Variants in NCOA7 observed in about 807,000 individuals in gnomAD.
The protein encoded by NCOA7 is nuclear receptor coactivator 7.
In NCOA7, 45 loss-of-function variants were observed where a neutral mutation model predicts 104.3. The ratio of observed to expected loss-of-function variants is 0.43; its 90% confidence interval spans 0.34 to 0.55. The LOEUF (loss-of-function observed/expected upper bound fraction) is 0.55, where lower values mean the gene tolerates loss of function less well. NCOA7 is among the 20% of genes least tolerant of loss of function. The pLI is 0.02. For synonymous variants in NCOA7, 398 were observed against 402.3 expected (o/e 0.99, Z 0.13); for missense variants, 1,041 against 1,119.7 (o/e 0.93, Z 1.00).
chr6:125,911,196 TG>T (rs989361418), intron 10 of NCOA7, among the ~76,000 whole-genome samples: 3 of 152,234 alleles, frequency 2.0e-5, no homozygotes, highest in Non-Finnish European at 2.9e-5. Context: ...ACAGCTGTGA[TG>T]TTTAGCATTT....
intron 2 of NCOA7, among the ~76,000 whole-genome samples, chr6:125,838,779 C>T (rs866390197): frequency 6.6e-6 from 1 of 152,118 alleles, no homozygotes; most frequent in Non-Finnish European, 1.5e-5. Context: ...TTCCCATGAC[C>T]GCCTCCTCAG....
chr6:125,896,711 G>T (rs1362713959), intron 10 of NCOA7, among the ~76,000 whole-genome samples: 1 of 152,202 alleles, frequency 6.6e-6, no homozygotes, highest in Non-Finnish European at 1.5e-5. Flanking sequence ...AAGATCACTT[G>T]AGCCCGAGAT....
rs759363130 is a variant in NCOA7 at position 125,922,664 on chromosome 6, C to T, written c.2371-18C>T. 5.0e-6 allele frequency: 8 copies of T among 1,607,642 alleles called. No individual in the cohort carries two copies. In the Admixed American group the frequency reaches 8.5e-5, roughly 17 times the overall value. On this transcript the variant is annotated intron_variant, in intron 12 of 15. Transcript: ENST00000392477. The stretch of plus-strand genomic sequence containing the variant: ...GTGGGTGAACCTTCTGTTTACATCT[C>T]TTCCTTTGGCTTTGTAGCTGGCCCG...
chr6:125,877,505 T>G (rs1307884665), intron 4 of NCOA7, among the ~76,000 whole-genome samples: 1 of 152,204 alleles, frequency 6.6e-6, no homozygotes, highest in African/African-American at 2.4e-5. Flanking sequence ...GATGTTGACA[T>G]GACATCAGGG....
At chr6:125,881,039 G>A (rs756962768) in intron 5 of NCOA7, 51 bp from the exon 6 acceptor site, 7 of 1,124,790 alleles carry the variant, frequency 6.2e-6, no homozygotes, top group Non-Finnish European at 1.4e-6. Flanking sequence ...ACACTCACTA[G>A]TGGTTTGCCT....
chr6:125,919,500 C>A, intron 11 of NCOA7: 1 of 1,463,130 alleles, frequency 6.8e-7, no homozygotes, highest in East Asian at 2.3e-5. Flanking sequence ...CTCCGAGTTT[C>A]TTTTGAAAGT....
intron 3 of NCOA7, among the ~76,000 whole-genome samples, chr6:125,860,723 G>A (rs1379160128): frequency 6.6e-6 from 1 of 152,176 alleles, no homozygotes; most frequent in Admixed American, 6.5e-5. Flanking sequence ...TAAGAATATG[G>A]AGATAGAAAT....
chr6:125,894,759 C>G (rs534551006), intron 10 of NCOA7, among the ~76,000 whole-genome samples: 2 of 149,904 alleles, frequency 1.3e-5, no homozygotes, highest in Non-Finnish European at 3.0e-5. Flanking sequence ...GTGCTGGCAG[C>G]AAGCTGTACT....
intron 7 of NCOA7, 131 bp from the exon 8 acceptor site, chr6:125,885,028 T>A: frequency 1.2e-6 from 1 of 861,410 alleles, no homozygotes; most frequent in South Asian, 1.7e-5. Context: ...ACAAAGGGGA[T>A]GTAATTGTCA....
intron 1 of NCOA7, among the ~76,000 whole-genome samples, chr6:125,799,139 A>G (rs911015214): frequency 3.9e-5 from 6 of 152,068 alleles, no homozygotes; most frequent in Non-Finnish European, 8.8e-5. Flanking sequence ...TCTACATTTC[A>G]TGCACTCAGC....
At chr6:125,892,381 A>G (rs1351839608) in intron 10 of NCOA7, among the ~76,000 whole-genome samples, 1 of 152,146 alleles carries the variant, frequency 6.6e-6, no homozygotes, top group East Asian at 1.9e-4. Context: ...TTCACTTCTT[A>G]TACCACTTCA....
intron 2 of NCOA7, among the ~76,000 whole-genome samples, chr6:125,822,826 A>T (rs1350266666): frequency 3.3e-5 from 5 of 151,526 alleles, no homozygotes; most frequent in Admixed American, 1.3e-4. Context: ...TCCCAGCTAC[A>T]TGGGAGACTG....
chr6:125,929,523 T>A lies in NCOA7; in HGVS notation c.*752T>A, dbSNP rs1007743278. Reference sequence around the variant, plus strand: ...GTGTATGTATATGTACATATACATATATATGAGTGTATAATTCTAAATTTC... The same window carrying A: ...GTGTATGTATATGTACATATACATAAATATGAGTGTATAATTCTAAATTTC... On this transcript the variant is annotated 3_prime_UTR_variant, in exon 16 of 16. Coordinates refer to ENST00000392477, the MANE Select transcript of NCOA7 (RefSeq NM_181782.5). 1 of 152,062 alleles carries A rather than the reference T, an allele frequency of 6.6e-6. No individual in the cohort carries two copies. The highest frequency in any genetic ancestry group is 2.4e-5 in the African/African-American group (1 of 41,430). The allele number at this position is 152,062 out of a possible 1,614,324, so 9.4% of individuals were successfully genotyped here. A position where few individuals can be genotyped will look rare whatever the true frequency, so the allele number is the denominator to read the frequency against.
chr6:125,799,004 C>A (rs545235908), intron 1 of NCOA7, among the ~76,000 whole-genome samples: 2 of 152,174 alleles, frequency 1.3e-5, no homozygotes, highest in South Asian at 4.2e-4. Context: ...AGATCAGCCC[C>A]AAGCCTGTTT....
At position 125,929,993 on chromosome 6, in the gene NCOA7, C is replaced by A. The variant is rs1332855557; in HGVS notation, c.*1222C>A. ...ACAATACAAAGAAATGCATTCATAT[C>A]AAAATTGGAATAGAAAGGAAAACCT... On this transcript the variant is annotated 3_prime_UTR_variant, in exon 16 of 16. Coordinates refer to ENST00000392477, the MANE Select transcript of NCOA7 (RefSeq NM_181782.5). 1 of 152,092 alleles carries A rather than the reference C, an allele frequency of 6.6e-6. No individual in the cohort carries two copies. The highest frequency in any genetic ancestry group is 2.4e-5 in the African/African-American group (1 of 41,412). The allele number at this position is 152,092 out of a possible 1,614,324, so 9.4% of individuals were successfully genotyped here.
intron 13 of NCOA7, among the ~76,000 whole-genome samples, chr6:125,925,490 TG>T (rs1787943963): frequency 6.6e-6 from 1 of 152,344 alleles, no homozygotes; most frequent in South Asian, 2.1e-4. Context: ...CACCAGGCAT[TG>T]TTGACAACAA....
chr6:125,924,212 T>G (rs886995099), intron 13 of NCOA7, among the ~76,000 whole-genome samples: 3 of 152,240 alleles, frequency 2.0e-5, no homozygotes, highest in Admixed American at 2.0e-4. Context: ...TATAGATTAT[T>G]TGTCCTATTT....
rs1784485491 is a variant in NCOA7, at chr6:125,889,596, T to G, written c.1542T>G (p.His514Gln). Residue 514 changes from histidine to glutamine, a missense_variant, in exon 9 of 16, where the codon CAT (histidine) becomes CAG (glutamine). Coordinates refer to ENST00000392477, the MANE Select transcript of NCOA7 (RefSeq NM_181782.5). ...GAGTAGAAAACACACTGAACATACATGAAGATTTAGATAAAGTTAAACTCA... is the reference window on the plus strand; with the variant it reads ...GAGTAGAAAACACACTGAACATACAGGAAGATTTAGATAAAGTTAAACTCA... Reference protein sequence around the residue: ...ESRVENTLNIHEDLDKVKLIE... With the variant: ...ESRVENTLNIQEDLDKVKLIE... 6.2e-7 allele frequency: 1 copy of G among 1,613,678 alleles called. No homozygotes were observed. The highest frequency in any genetic ancestry group is 1.7e-5 in the Admixed American group (1 of 59,932).
chr6:125,919,123 T>C, intron 11 of NCOA7: 4 of 873,778 alleles, frequency 4.6e-6, no homozygotes, highest in Non-Finnish European at 6.7e-6. Context: ...CCTTTTACAG[T>C]CTCACAGCGA....
Sources: allele counts gnomAD v4.1 joint callset (sites outside exome capture counted in the v4.1 genomes callset), GRCh38; gene constraint gnomAD v4.1.1; transcripts MANE v1.5; gene names NCBI Gene and HGNC (gene_info 2026-07-23, HGNC 2026-07-21).